ITGB2: variants seen among roughly 807,000 people sequenced by gnomAD.
ITGB2 encodes the protein integrin subunit beta 2, also known as integrin beta-2.
ITGB2 carries 56 observed loss-of-function variants against 86.8 expected under a neutral mutation model. The observed-to-expected ratio is 0.65, with a 90% CI of 0.52 to 0.81. The LOEUF (loss-of-function observed/expected upper bound fraction) is 0.81, where lower values mean the gene tolerates loss of function less well. Ranked by LOEUF, ITGB2 falls within the 30% of genes least tolerant of loss-of-function variation. The pLI is 0.00. For missense variants in ITGB2, 948 were observed against 1,061.2 expected, an observed-to-expected ratio of 0.89 and a Z score of 1.48; for synonymous variants, 457 against 450.4, an observed-to-expected ratio of 1.01 and a Z score of -0.19.
At chr21:44,926,020 G>C (rs2146579166) in intron 1 of ITGB2, among the ~76,000 whole-genome samples, 1 of 152,320 alleles carries the variant, frequency 6.6e-6, no homozygotes, top group Non-Finnish European at 1.5e-5. Context: ...CAGGAAAATG[G>C]TGTGAACCTG....
At chr21:44,897,762 A>G (rs2083890611) in intron 8 of ITGB2, among the ~76,000 whole-genome samples, 1 of 152,134 alleles carries the variant, frequency 6.6e-6, no homozygotes, top group Admixed American at 6.5e-5. Flanking sequence ...TCCACCCTGA[A>G]GAACGGGGCA....
chr21:44,898,496 A>G (rs1233037475), intron 8 of ITGB2, among the ~76,000 whole-genome samples: 1 of 152,340 alleles, frequency 6.6e-6, no homozygotes, highest in Non-Finnish European at 1.5e-5. Context: ...ATCCTGAGAA[A>G]GGTCTTGGGA....
At chr21:44,911,032 G>C (rs958628004) in intron 1 of ITGB2, 3 of 572,220 alleles carry the variant, frequency 5.2e-6, no homozygotes, top group Non-Finnish European at 9.4e-6. Context: ...CAGCTGCAGC[G>C]GGCCCCTGCA....
intron 9 of ITGB2, 186 bp from the exon 10 acceptor site, chr21:44,893,730 C>A: frequency 1.4e-6 from 1 of 722,032 alleles, no homozygotes; most frequent in Non-Finnish European, 2.4e-6. Flanking sequence ...CACAGTCCTG[C>A]CCTCGAGACA....
chr21:44,897,997 C>T (rs1262343423), intron 8 of ITGB2, among the ~76,000 whole-genome samples: 1 of 152,210 alleles, frequency 6.6e-6, no homozygotes, highest in African/African-American at 2.4e-5. Context: ...GTGGTAGACC[C>T]CGGCTGAGCT....
At chr21:44,898,331 G>A (rs887969673) in intron 8 of ITGB2, among the ~76,000 whole-genome samples, 2 of 152,168 alleles carry the variant, frequency 1.3e-5, no homozygotes, top group Non-Finnish European at 2.9e-5. Flanking sequence ...CTGGTGCCTG[G>A]TTTCTCTCCT....
upstream of ITGB2, chr21:44,922,911 A>C (rs2084327282): frequency 6.6e-6 from 1 of 152,234 alleles, no homozygotes; most frequent in African/African-American, 2.4e-5. Context: ...TTCTCATTAC[A>C]GACTTAGCCT....
intron 4 of ITGB2, among the ~76,000 whole-genome samples, chr21:44,905,931 G>T (rs1279707184): frequency 6.6e-6 from 1 of 152,152 alleles, no homozygotes; most frequent in Non-Finnish European, 1.5e-5. Context: ...CTGAGCCCCA[G>T]CCTGTCCGAC....
At chr21:44,896,760 C>G (rs182578167) in intron 8 of ITGB2, among the ~76,000 whole-genome samples, 12 of 152,336 alleles carry the variant, frequency 7.9e-5, no homozygotes, top group Non-Finnish European at 1.3e-4. Flanking sequence ...CACTCGCTGC[C>G]TGTTGCCTTG....
At chr21:44,897,758 C>G (rs1454774257) in intron 8 of ITGB2, among the ~76,000 whole-genome samples, 1 of 152,238 alleles carries the variant, frequency 6.6e-6, no homozygotes, top group Non-Finnish European at 1.5e-5. Context: ...CAGCTCCACC[C>G]TGAAGAACGG....
intron 6 of ITGB2, among the ~76,000 whole-genome samples, chr21:44,900,773 G>T (rs554606033): frequency 1.5e-3 from 225 of 152,318 alleles, no homozygotes; most frequent in South Asian, 0.012. Flanking sequence ...AAACCCTCAG[G>T]AAACCATCCC....
At chr21:44,886,609 G>A (rs1029847418) in intron 15 of ITGB2, 127 bp downstream of exon 15, 4 of 1,478,882 alleles carry the variant, frequency 2.7e-6, no homozygotes, top group African/African-American at 2.8e-5. Context: ...GACGCCCAGA[G>A]GACAAGCTGC....
Position 44,885,978 on chromosome 21 carries a change from T to C in ITGB2, c.*390A>G, listed in dbSNP as rs533560865. On this transcript the variant is annotated 3_prime_UTR_variant, in exon 16 of 16. Coordinates refer to ENST00000652462, the MANE Select transcript of ITGB2 (RefSeq NM_000211.5). ...TTTCCATGGACAGCCTGTATTGAAGTTTTATTTTTTTTCTATACACGTGAT... is the reference window on the plus strand; with the variant it reads ...TTTCCATGGACAGCCTGTATTGAAGCTTTATTTTTTTTCTATACACGTGAT... The C allele has an allele frequency of 3.4e-6, 1 of 295,626 alleles. No individual in the cohort carries two copies. Among genetic ancestry groups the C allele is most frequent in the East Asian group, 8.9e-5 (1 of 11,286 alleles). The allele number at this position is 295,626 out of a possible 1,614,324, so 18.3% of individuals were successfully genotyped here.
At chr21:44,911,300 C>G (rs1299464589) in intron 1 of ITGB2, 1 of 208,792 alleles carries the variant, frequency 4.8e-6, no homozygotes, top group Non-Finnish European at 9.9e-6. Context: ...ACACACCACA[C>G]AGACACACAC....
At chr21:44,898,525 C>T (rs1213922707) in intron 8 of ITGB2, among the ~76,000 whole-genome samples, 3 of 152,352 alleles carry the variant, frequency 2.0e-5, no homozygotes, top group Middle Eastern at 3.4e-3. Flanking sequence ...AGCACCTGAG[C>T]GTCTTGACGC....
chr21:44,925,273 GTTTC>G (rs1486885483), upstream of ITGB2, among the ~76,000 whole-genome samples: 1 of 151,638 alleles, frequency 6.6e-6, no homozygotes, highest in Non-Finnish European at 1.5e-5. Context: ...TGTTGCTGTT[GTTTC>G]TTTCTTTCTT....
upstream of ITGB2, among the ~76,000 whole-genome samples, chr21:44,925,687 A>C (rs981817372): frequency 6.6e-6 from 1 of 152,244 alleles, no homozygotes; most frequent in Non-Finnish European, 1.5e-5. Context: ...CTCAAACAGC[A>C]ACAAAGAAAA....
At chr21:44,892,632 C>T (rs549285175) in intron 10 of ITGB2, among the ~76,000 whole-genome samples, 1 of 117,406 alleles carries the variant, frequency 8.5e-6, no homozygotes, top group South Asian at 2.7e-4. Flanking sequence ...AAAAAATCCA[C>T]AGGCAACATT....
At chr21:44,903,210 C>T (rs756238231) in intron 5 of ITGB2, among the ~76,000 whole-genome samples, 155 bp downstream of exon 5, 5 of 151,964 alleles carry the variant, frequency 3.3e-5, no homozygotes, top group South Asian at 2.1e-4. Flanking sequence ...GGAGGCAGGC[C>T]GACTGCAGCC....
Sources: gnomAD v4.1 joint callset for allele counts (sites outside exome capture counted in the v4.1 genomes callset) on GRCh38, gnomAD v4.1.1 for gene constraint, MANE v1.5 for transcripts, NCBI Gene and HGNC (gene_info 2026-07-23, HGNC 2026-07-21) for gene names.